SMYD3: variants seen among roughly 807,000 people sequenced by gnomAD.
SMYD3 encodes histone-lysine N-methyltransferase SMYD3.
A neutral mutation model predicts 57.7 loss-of-function variants in SMYD3; 36 were observed. The ratio of observed to expected loss-of-function variants is 0.62; its 90% CI spans 0.48 to 0.82. The LOEUF is 0.82. Among genes scored for constraint, SMYD3 ranks in the 40% least tolerant of loss-of-function variants. The pLI, the probability that SMYD3 is intolerant of heterozygous loss-of-function variation, is 0.00. For synonymous variants in SMYD3, 211 were observed against 195.0 expected (o/e 1.08, Z -0.68); for missense variants, 515 against 538.8 (o/e 0.96, Z 0.44).
intron 10 of SMYD3, among the ~76,000 whole-genome samples, chr1:245,811,090 G>T (rs1230151997): frequency 6.6e-6 from 1 of 152,212 alleles, no homozygotes; most frequent in African/African-American, 2.4e-5. Context: ...ATTTGTAAGT[G>T]TGAAGGCTGT....
chr1:245,766,295 C>T (rs984822528), intron 10 of SMYD3, among the ~76,000 whole-genome samples: 2 of 150,316 alleles, frequency 1.3e-5, no homozygotes, highest in Non-Finnish European at 3.0e-5. Context: ...CCCAGCTACT[C>T]GGGAGGCTGA....
At chr1:246,384,972 C>T (rs1337180790) in intron 1 of SMYD3, among the ~76,000 whole-genome samples, 5 of 151,992 alleles carry the variant, frequency 3.3e-5, no homozygotes, top group Admixed American at 2.0e-4. Flanking sequence ...GTGATAAATA[C>T]CTGACCAAAT....
At position 246,490,653 on chromosome 1, in the gene SMYD3, G is replaced by A. The variant is rs949891042; in HGVS notation, c.164+16401C>T. Among the ~76,000 whole-genome samples the A allele has an allele frequency of 3.3e-5, 5 of 152,288 alleles. No individual in the cohort carries two copies. The East Asian group carries it at 9.7e-4, about 29-fold the overall frequency. On this transcript the variant is annotated intron_variant, in intron 1 of 11. Coordinates refer to ENST00000490107, the MANE Select transcript of SMYD3 (RefSeq NM_001167740.2). The stretch of plus-strand genomic sequence containing the variant: ...TTTGGGAGGCCAAGGGGAGAGGACT[G>A]CTTGAGCCCAGGAGATCAGTCTGGG...
intron 2 of SMYD3, among the ~76,000 whole-genome samples, chr1:246,342,722 G>A (rs568910071): frequency 2.1e-4 from 32 of 152,220 alleles, no homozygotes; most frequent in African/African-American, 6.0e-4. Context: ...ATATAAAGAA[G>A]GAATGTGCCA....
At chr1:245,790,799 G>C (rs1403711532) in intron 10 of SMYD3, among the ~76,000 whole-genome samples, 1 of 152,180 alleles carries the variant, frequency 6.6e-6, no homozygotes, top group African/African-American at 2.4e-5. Flanking sequence ...TGTAGAGCCA[G>C]ATTTGAATCC....
intron 1 of SMYD3, among the ~76,000 whole-genome samples, chr1:246,408,198 G>T (rs1352385623): frequency 6.6e-6 from 1 of 152,016 alleles, no homozygotes; most frequent in Non-Finnish European, 1.5e-5. Flanking sequence ...CAAACACTCT[G>T]ACCACAACAG....
intron 5 of SMYD3, among the ~76,000 whole-genome samples, chr1:246,130,308 TC>T (rs1303136422): frequency 6.6e-6 from 1 of 152,180 alleles, no homozygotes; most frequent in Non-Finnish European, 1.5e-5. Context: ...CTCCATATTT[TC>T]AGTGTTATAA....
At chr1:246,101,789 T>A (rs2061020513) in intron 5 of SMYD3, among the ~76,000 whole-genome samples, 1 of 152,236 alleles carries the variant, frequency 6.6e-6, no homozygotes, top group Non-Finnish European at 1.5e-5. Context: ...TAGGCAAGCG[T>A]AAGATAAACA....
intron 5 of SMYD3, among the ~76,000 whole-genome samples, chr1:246,176,326 TAAG>T (rs1159817145): frequency 2.0e-5 from 3 of 152,156 alleles, no homozygotes; most frequent in East Asian, 1.9e-4. Flanking sequence ...GTCCGGCTCT[TAAG>T]AAGGACTATA....
At chr1:246,171,725 A>G (rs2062337525) in intron 5 of SMYD3, among the ~76,000 whole-genome samples, 1 of 152,242 alleles carries the variant, frequency 6.6e-6, no homozygotes, top group Non-Finnish European at 1.5e-5. Flanking sequence ...AAAATACAGT[A>G]TAAGGTTGGG....
chr1:246,176,369 A>G (rs2062434338), intron 5 of SMYD3, among the ~76,000 whole-genome samples: 1 of 152,240 alleles, frequency 6.6e-6, no homozygotes, highest in African/African-American at 2.4e-5. Flanking sequence ...TGGCAGAAAG[A>G]GATAAACATT....
intron 5 of SMYD3, among the ~76,000 whole-genome samples, chr1:245,957,472 A>G (rs1267728974): frequency 6.6e-6 from 1 of 152,176 alleles, no homozygotes; most frequent in Admixed American, 6.5e-5. Flanking sequence ...CTTACTCTTT[A>G]ACGTCAACGT....
At chr1:245,903,903 G>A (rs928661810) in intron 8 of SMYD3, among the ~76,000 whole-genome samples, 2 of 152,158 alleles carry the variant, frequency 1.3e-5, no homozygotes, top group African/African-American at 4.8e-5. Context: ...GTGATGGGAG[G>A]GGCTGCTGTG....
At chr1:245,815,026 G>T (rs2048722926) in intron 10 of SMYD3, among the ~76,000 whole-genome samples, 1 of 152,176 alleles carries the variant, frequency 6.6e-6, no homozygotes, top group Non-Finnish European at 1.5e-5. Context: ...ATGAGGTGAG[G>T]TGATATCAGA....
At chr1:245,874,855 C>G (rs1325922819) in intron 8 of SMYD3, among the ~76,000 whole-genome samples, 1 of 152,182 alleles carries the variant, frequency 6.6e-6, no homozygotes, top group African/African-American at 2.4e-5. Flanking sequence ...GTGGGTCACC[C>G]CAGAGGGCAG....
At chr1:245,983,026 A>G (rs1538294) in intron 5 of SMYD3, among the ~76,000 whole-genome samples, 97,167 of 152,110 alleles carry the variant, frequency 0.64, 34,159 homozygotes, top group Non-Finnish European at 0.78. Context: ...AGTCCAATCT[A>G]CCCTTCCATA....
Position 245,859,528 on chromosome 1 carries a change from G to C in SMYD3, c.902-858C>G, listed in dbSNP as rs1285659622. Among the ~76,000 whole-genome samples the C allele has an allele frequency of 3.3e-5, 5 of 152,210 alleles. 1 individual carries two copies. Among genetic ancestry groups the C allele is most frequent in the Admixed American group, 2.6e-4 (4 of 15,284 alleles). The stretch of plus-strand genomic sequence containing the variant: ...CTTACAGAGGCAGTCAGAGGACTGA[G>C]GACATGGTTTATGGAGCGTAATTTT... On this transcript the variant is annotated intron_variant, in intron 9 of 11. Coordinates refer to ENST00000490107, the MANE Select transcript of SMYD3 (RefSeq NM_001167740.2).
intron 5 of SMYD3, among the ~76,000 whole-genome samples, chr1:246,262,236 G>C (rs2064025220): frequency 6.6e-6 from 1 of 152,168 alleles, no homozygotes; most frequent in African/African-American, 2.4e-5. Context: ...TGGATTGTTA[G>C]TGAAGCTCAG....
At chr1:246,245,271 T>G (rs904034015) in intron 5 of SMYD3, among the ~76,000 whole-genome samples, 7 of 151,986 alleles carry the variant, frequency 4.6e-5, no homozygotes, top group Non-Finnish European at 8.8e-5. Flanking sequence ...GGCAAGACCC[T>G]GTCTCTAGTA....
Sources: gnomAD v4.1 joint callset for allele counts (sites outside exome capture counted in the v4.1 genomes callset) on GRCh38, gnomAD v4.1.1 for gene constraint, MANE v1.5 for transcripts, NCBI Gene and HGNC (gene_info 2026-07-23, HGNC 2026-07-21) for gene names.